The following PTPRB variants were observed in gnomAD, a reference collection of about 807,000 sequenced individuals.
PTPRB encodes protein tyrosine phosphatase receptor type B.
In PTPRB, 97 loss-of-function variants were observed where a neutral mutation model predicts 238.1. The ratio of observed to expected loss-of-function variants is 0.41; its 90% CI spans 0.35 to 0.48. PTPRB has a LOEUF of 0.48. Ranked by LOEUF, PTPRB falls within the 20% of genes least tolerant of loss-of-function variation. The probability of loss-of-function intolerance (pLI) is 0.30; values close to 1 mark genes in which losing one functional copy is unlikely to be tolerated. For missense variants in PTPRB, 2,292 were observed against 2,681.9 expected, an observed-to-expected ratio of 0.85 and a Z score of 3.21; for synonymous variants, 970 against 995.4, an observed-to-expected ratio of 0.97 and a Z score of 0.48.
intron 8 of PTPRB, among the ~76,000 whole-genome samples, chr12:70,589,301 TAAGA>T (rs1335201120): frequency 1.3e-5 from 2 of 152,212 alleles, no homozygotes; most frequent in Non-Finnish European, 2.9e-5. Flanking sequence ...TCAGGCGAAC[TAAGA>T]AAGAAGGTAT....
intron 3 of PTPRB, among the ~76,000 whole-genome samples, chr12:70,620,948 A>G (rs935373473): frequency 9.2e-5 from 14 of 152,214 alleles, no homozygotes; most frequent in Admixed American, 7.9e-4. Context: ...CTTTGCCACT[A>G]TGCGATCTAT....
intron 4 of PTPRB, among the ~76,000 whole-genome samples, chr12:70,604,812 A>G (rs1592578299): frequency 6.6e-6 from 1 of 152,334 alleles, no homozygotes; most frequent in East Asian, 1.9e-4. Context: ...CAGAGGTACC[A>G]CTATATGAGG....
At chr12:70,612,507 A>G (rs1165275160) in intron 3 of PTPRB, among the ~76,000 whole-genome samples, 2 of 152,176 alleles carry the variant, frequency 1.3e-5, no homozygotes, top group African/African-American at 2.4e-5. Flanking sequence ...ACATAAGGAC[A>G]CTATTTGAAT....
At chr12:70,602,471 C>G (rs1288400421) in intron 4 of PTPRB, among the ~76,000 whole-genome samples, 2 of 152,162 alleles carry the variant, frequency 1.3e-5, no homozygotes, top group Admixed American at 6.5e-5. Context: ...GTCCAAAAGC[C>G]TTCTTATGTA....
chr12:70,563,943 A>G (rs1312188618), intron 15 of PTPRB, among the ~76,000 whole-genome samples: 2 of 152,100 alleles, frequency 1.3e-5, no homozygotes, highest in African/African-American at 2.4e-5. Context: ...TCATTCAGCT[A>G]TTGGTCCTTA....
chr12:70,583,487 G>C (rs553217602), intron 9 of PTPRB, among the ~76,000 whole-genome samples: 7 of 152,114 alleles, frequency 4.6e-5, no homozygotes, highest in Non-Finnish European at 8.8e-5. Context: ...GCAGGATATT[G>C]GAGAAAGGAG....
intron 14 of PTPRB, among the ~76,000 whole-genome samples, chr12:70,569,139 G>A (rs1171835191): frequency 5.3e-5 from 8 of 151,986 alleles, no homozygotes; most frequent in African/African-American, 9.7e-5. Flanking sequence ...TCTCACTCCG[G>A]TTGCCCAGGC....
At position 70,525,825 on chromosome 12, in the gene PTPRB, G is replaced by C. The variant is rs60976374; in HGVS notation, c.6505-1234C>G. On this transcript the variant is annotated intron_variant, in intron 32 of 33. Coordinates refer to ENST00000334414, the MANE Select transcript of PTPRB (RefSeq NM_001109754.4). ...TCTCAGCAGCCTCCAGCCAGGCCAG[G>C]CTGAGCCATCAGGCTTCTGGGGATC... Among the ~76,000 whole-genome samples, 810 of 152,348 alleles carry C rather than the reference G, an allele frequency of 5.3e-3. 10 individuals carry two copies. The highest frequency in any genetic ancestry group is 0.018 in the African/African-American group (764 of 41,584).
At chr12:70,558,124 G>C (rs2136319167) in intron 18 of PTPRB, among the ~76,000 whole-genome samples, 1 of 152,198 alleles carries the variant, frequency 6.6e-6, no homozygotes, top group Non-Finnish European at 1.5e-5. Flanking sequence ...GTGTTTCCCT[G>C]GCTACTCTAA....
In PTPRB at chr12:70,560,447, G is replaced by A. The variant is rs1592476063; in HGVS notation, c.4432+224C>T. ...GATAAGAAAACTGAGGCCTAGAGAT[G>A]CTCAATGACTTGCCCAGATTCATAG... is the stretch of plus-strand genomic sequence containing the variant. On this transcript the variant is annotated intron_variant, in intron 17 of 33. Coordinates refer to ENST00000334414, the MANE Select transcript of PTPRB (RefSeq NM_001109754.4). This position sits in a 1 kb window ranked among gnomAD's most constrained non-coding sequence, Gnocchi z 4.2. Among the ~76,000 whole-genome samples, 1 of 152,268 alleles carries A rather than the reference G, an allele frequency of 6.6e-6. No individual in the cohort carries two copies. Among genetic ancestry groups the A allele is most frequent in the Non-Finnish European group, 1.5e-5 (1 of 68,024 alleles).
Position 70,518,416 on chromosome 12 carries a change from C to G in PTPRB, c.*3073G>C, listed in dbSNP as rs963361807. On this transcript the variant is annotated 3_prime_UTR_variant, in exon 34 of 34. Transcript: ENST00000334414. ...CTGCACTCCAGCCTGGGCAACAGAG[C>G]AAGACTTCATTTCAAAAAAAAGTGA... The G allele has an allele frequency of 2.1e-5, 3 of 141,382 alleles. No individual in the cohort carries two copies. The Admixed American group carries it at 2.1e-4, about 10-fold the overall frequency. 8.8% of individuals were successfully genotyped at this position (141,382 alleles called of 1,614,324 possible).
chr12:70,530,291 TGTG>T lies in PTPRB; in HGVS notation c.6504+1741_6504+1743del, dbSNP rs141829394. On this transcript the variant is annotated intron_variant, in intron 32 of 33. Transcript: ENST00000334414. The stretch of plus-strand genomic sequence containing the variant: ...AAAGACATAGATGTGATAATGACAT[TGTG>T]GTCATAGTTTTAAAGAGTATCTCAA... 5.3e-3 allele frequency among the ~76,000 whole-genome samples: 812 copies of T among 152,262 alleles called. 9 individuals carry two copies. The highest frequency in any genetic ancestry group is 0.018 in the African/African-American group (757 of 41,548).
intron 8 of PTPRB, among the ~76,000 whole-genome samples, chr12:70,588,111 AAAGAAAAGAAAAG>A (rs1882122750): frequency 6.7e-6 from 1 of 149,072 alleles, no homozygotes; most frequent in African/African-American, 2.5e-5. Context: ...AAAAAAAAAA[AAAGAAAAGAAAAG>A]AAAAGAAAAG....
chr12:70,548,318 A>ACTCTCTCTCT (rs71457058), intron 21 of PTPRB, among the ~76,000 whole-genome samples: 2 of 127,920 alleles, frequency 1.6e-5, no homozygotes, highest in African/African-American at 6.1e-5. Context: ...ACACAGCAAG[A>ACTCTCTCTCT]CTCTCTCTCT....
chr12:70,584,927 C>T (rs1318782667), intron 9 of PTPRB: 1 of 149,558 alleles, frequency 6.7e-6, no homozygotes, highest in Non-Finnish European at 1.5e-5. Context: ...AAATAAGATA[C>T]AGGACAATAG....
chr12:70,557,546 A>G (rs984786030), intron 18 of PTPRB, among the ~76,000 whole-genome samples: 11 of 152,200 alleles, frequency 7.2e-5, no homozygotes, highest in Non-Finnish European at 1.0e-4. Context: ...ACTGAATACA[A>G]CAGTCCAGTT....
At chr12:70,587,542 A>T (rs1882042371) in intron 8 of PTPRB, among the ~76,000 whole-genome samples, 1 of 152,232 alleles carries the variant, frequency 6.6e-6, no homozygotes, top group Non-Finnish European at 1.5e-5. Flanking sequence ...TGAATTCTGT[A>T]ATACAAAAAT....
intron 21 of PTPRB, 65 bp from the exon 22 acceptor site, chr12:70,544,728 T>C: frequency 8.8e-7 from 1 of 1,139,380 alleles, no homozygotes; most frequent in Non-Finnish European, 1.2e-6. Context: ...GAAAAATGTG[T>C]TCAAGGAGAA....
At chr12:70,530,279 TG>T (rs1873004454) in intron 32 of PTPRB, among the ~76,000 whole-genome samples, 1 of 152,112 alleles carries the variant, frequency 6.6e-6, no homozygotes, top group Non-Finnish European at 1.5e-5. Flanking sequence ...GACATAGATG[TG>T]ATAATGACAT....
Sources: gnomAD v4.1 joint callset for allele counts (sites outside exome capture counted in the v4.1 genomes callset) on GRCh38, gnomAD v4.1.1 for gene constraint, Gnocchi (gnomAD v3.1) non-coding constraint, MANE v1.5 for transcripts, NCBI Gene and HGNC (gene_info 2026-07-23, HGNC 2026-07-21) for gene names.